Variants in PLCG1 observed in about 807,000 individuals in gnomAD.
PLCG1 encodes the protein 1-phosphatidylinositol 4,5-bisphosphate phosphodiesterase gamma-1.
PLCG1 carries 71 observed loss-of-function variants against 177.8 expected under a neutral mutation model. That is an observed-to-expected ratio of 0.40 (90% CI 0.33 to 0.49). The LOEUF (loss-of-function observed/expected upper bound fraction) is 0.49. Ranked by LOEUF, PLCG1 falls within the 20% of genes least tolerant of loss-of-function variation. The pLI, the probability that PLCG1 is intolerant of heterozygous loss-of-function variation, is 0.72. For missense variants in PLCG1, 1,281 were observed against 1,709.0 expected, an observed-to-expected ratio of 0.75 and a Z score of 4.42; for synonymous variants, 658 against 647.9, an observed-to-expected ratio of 1.02 and a Z score of -0.24.
At chr20:41,158,850 T>C (rs2035403454) in intron 1 of PLCG1, among the ~76,000 whole-genome samples, 1 of 152,260 alleles carries the variant, frequency 6.6e-6, no homozygotes, top group Non-Finnish European at 1.5e-5. Context: ...AAACTGAGAC[T>C]CTGAGAAGTT....
Position 41,169,084 on chromosome 20 carries a change from G to A in PLCG1, c.2489G>A (p.Arg830Gln), listed in dbSNP as rs748571525. Residue 830 changes from arginine (R) to glutamine (Q), a missense_variant, in exon 22 of 32, where the codon CGA becomes CAA. Physicochemically the swap from Arg to Gln is conservative, Grantham distance 43. This residue lies in a region of PLCG1 where 723 missense variants were observed against 1,030.0 expected (regional missense o/e 0.70). Transcript: ENST00000685551. ...NVEKQEGGWW[R>Q]GDYGGKKQLW... ...GCACCCTGTGGCTCCCACAGGTGGC[G>A]AGGGGACTACGGAGGGAAGAAGCAG... 7.4e-6 allele frequency: 12 copies of A among 1,613,124 alleles called. No individual in the cohort carries two copies. Among genetic ancestry groups the A allele is most frequent in the African/African-American group, 2.7e-5 (2 of 74,924 alleles).
chr20:41,175,338 A>G lies in PLCG1; in HGVS notation c.*829A>G, dbSNP rs959481312. 2 of 151,968 alleles carry G rather than the reference A, an allele frequency of 1.3e-5. No homozygotes were observed. Among genetic ancestry groups the G allele is most frequent in the Admixed American group, 6.5e-5 (1 of 15,272 alleles). The allele number at this position is 151,968 out of a possible 1,614,324, so 9.4% of individuals were successfully genotyped here. The stretch of plus-strand genomic sequence containing the variant: ...GGGAAGAGAAGAAATAGCAGAGCCT[A>G]TTTTGGTGAGGTTTTTTGTTTTTAA... On this transcript the variant is annotated 3_prime_UTR_variant, in exon 32 of 32. Coordinates refer to ENST00000685551, the MANE Select transcript of PLCG1 (RefSeq NM_002660.3).
At position 41,173,613 on chromosome 20, in the gene PLCG1, C is replaced by G; in HGVS notation, c.3395-39C>G. 1 of 1,614,114 alleles carries G rather than the reference C, an allele frequency of 6.2e-7. No homozygotes were observed. On this transcript the variant is annotated intron_variant, in intron 28 of 31. Transcript: ENST00000685551. The surrounding 1 kb of genome is among the most constrained non-coding windows in gnomAD (Gnocchi z 6.2). Reference sequence around the variant, plus strand: ...CTCCCCACCAGTCATCCCATCCTCTCCCACGGTGACCTGAAGCCTTTTGTC... The same window carrying G: ...CTCCCCACCAGTCATCCCATCCTCTGCCACGGTGACCTGAAGCCTTTTGTC...
Position 41,159,502 on chromosome 20 carries a change from C to A in PLCG1, c.218-104C>A. The stretch of plus-strand genomic sequence containing the variant: ...GGTCTTGGCTCTGCCTCTGGGGTTC[C>A]TCCCTGAGAGAGAGTGTAAGAATGA... On this transcript the variant is annotated intron_variant, in intron 1 of 31. Coordinates refer to ENST00000685551, the MANE Select transcript of PLCG1 (RefSeq NM_002660.3). The surrounding 1 kb of genome is among the most constrained non-coding windows in gnomAD (Gnocchi z 6.0). 8.3e-7 allele frequency: 1 copy of A among 1,199,778 alleles called. No individual in the cohort carries two copies. The highest frequency in any genetic ancestry group is 1.5e-5 in the South Asian group (1 of 67,584). 74.3% of individuals were successfully genotyped at this position (1,199,778 alleles called of 1,614,324 possible). A position where few individuals can be genotyped will look rare whatever the true frequency, so the allele number is the denominator to read the frequency against.
chr20:41,165,992 C>CG lies in PLCG1; in HGVS notation c.1799+166_1799+167insG, dbSNP rs929910637. Reference sequence around the variant, plus strand: ...TACACACACACACTCTCTGTCTCACCCCCCCCCCATACCCCTCCCTTTTCG... The same window carrying CG: ...TACACACACACACTCTCTGTCTCACCGCCCCCCCCATACCCCTCCCTTTTCG... On this transcript the variant is annotated intron_variant, in intron 16 of 31. Transcript: ENST00000685551. This position sits in a 1 kb window ranked among gnomAD's most constrained non-coding sequence, Gnocchi z 6.6. 12 of 660,442 alleles carry CG rather than the reference C, an allele frequency of 1.8e-5. 1 individual carries two copies. In the East Asian group the frequency reaches 2.6e-4, roughly 14 times the overall value. 40.9% of individuals were successfully genotyped at this position (660,442 alleles called of 1,614,324 possible). A position where few individuals can be genotyped will look rare whatever the true frequency, so the allele number is the denominator to read the frequency against.
chr20:41,140,673 G>A (rs758705253), intron 1 of PLCG1, among the ~76,000 whole-genome samples: 12 of 152,300 alleles, frequency 7.9e-5, no homozygotes, highest in Non-Finnish European at 1.3e-4. Flanking sequence ...GCTCAAAAGC[G>A]GGGTGGGGAA....
chr20:41,162,232 TTTG>T (rs1568742799), intron 4 of PLCG1: 2 of 316,438 alleles, frequency 6.3e-6, no homozygotes, highest in African/African-American at 2.5e-5. Flanking sequence ...TTGTTTTGTT[TTTG>T]TTTTTTTTTT....
At position 41,167,749 on chromosome 20, in the gene PLCG1, G is replaced by C; in HGVS notation, c.2302-103G>C. The C allele has an allele frequency of 1.2e-6, 1 of 809,364 alleles. No individual in the cohort carries two copies. Among genetic ancestry groups the C allele is most frequent in the South Asian group, 1.5e-5 (1 of 68,614 alleles). The allele number at this position is 809,364 out of a possible 1,614,324, so 50.1% of individuals were successfully genotyped here. On this transcript the variant is annotated intron_variant, in intron 19 of 31. Coordinates refer to ENST00000685551, the MANE Select transcript of PLCG1 (RefSeq NM_002660.3). This position sits in a 1 kb window ranked among gnomAD's most constrained non-coding sequence, Gnocchi z 4.4. ...AAGGATCCCTGTGGATCAGGTGCAAGTTTGCTGCACTGGGGGAAAGGGAAG... is the reference window on the plus strand; with the variant it reads ...AAGGATCCCTGTGGATCAGGTGCAACTTTGCTGCACTGGGGGAAAGGGAAG...
rs374657156 is a variant in PLCG1, at chr20:41,163,007, G to T, written c.716+15G>T. The T allele has an allele frequency of 4.3e-6, 7 of 1,612,870 alleles. No individual in the cohort carries two copies. In the African/African-American group the frequency reaches 9.3e-5, roughly 22 times the overall value. On this transcript the variant is annotated intron_variant, in intron 7 of 31. Coordinates refer to ENST00000685551, the MANE Select transcript of PLCG1 (RefSeq NM_002660.3). This position sits in a 1 kb window ranked among gnomAD's most constrained non-coding sequence, Gnocchi z 5.2. ...AGTACTCTGAGGTTTGGTTTGGAGT[G>T]GGGAGGTGGGGTTTTCCCTGGGCCC...
intron 4 of PLCG1, chr20:41,162,229 GTTTTTGTTTTTTT>G: frequency 3.6e-6 from 1 of 276,174 alleles, no homozygotes; most frequent in Non-Finnish European, 6.4e-6. Context: ...TGTTTGTTTT[GTTTTTGTTTTTTT>G]TTTTTTTTTT....
Position 41,176,200 on chromosome 20 carries a change from G to A in PLCG1, c.*1691G>A, listed in dbSNP as rs2036062309. 6.6e-6 allele frequency: 1 copy of A among 152,048 alleles called. No homozygotes were observed. Among genetic ancestry groups the A allele is most frequent in the African/African-American group, 2.4e-5 (1 of 41,400 alleles). The allele number at this position is 152,048 out of a possible 1,614,324, so 9.4% of individuals were successfully genotyped here. ...TGTGCTGGGATGGAACAAAAATGACGCCACACAAAAAATTTAAGATAGATC... is the reference window on the plus strand; with the variant it reads ...TGTGCTGGGATGGAACAAAAATGACACCACACAAAAAATTTAAGATAGATC... On this transcript the variant is annotated 3_prime_UTR_variant, in exon 32 of 32. Coordinates refer to ENST00000685551, the MANE Select transcript of PLCG1 (RefSeq NM_002660.3).
intron 1 of PLCG1, among the ~76,000 whole-genome samples, chr20:41,140,757 T>C (rs906975572): frequency 3.3e-5 from 5 of 152,344 alleles, no homozygotes; most frequent in South Asian, 2.1e-4. Context: ...CCTTTTATGT[T>C]GCAGATACTG....
chr20:41,163,966 C>T lies in PLCG1; in HGVS notation c.1056C>T (p.Ala352=), dbSNP rs2035599618. 1.2e-6 allele frequency: 2 copies of T among 1,614,104 alleles called. No homozygotes were observed. The highest frequency in any genetic ancestry group is 2.7e-5 in the African/African-American group (2 of 74,950). The change falls in exon 11 of 32, where the codon GCC becomes GCT. Residue 352 remains alanine (A), a synonymous_variant. Coordinates refer to ENST00000685551, the MANE Select transcript of PLCG1 (RefSeq NM_002660.3). The surrounding 1 kb of genome is among the most constrained non-coding windows in gnomAD (Gnocchi z 5.2). The part of the protein sequence containing the change: ...DQFSSESSLE[A]YARCLRMGCR... ...TCTCCAGTGAGTCCTCCTTGGAAGC[C>T]TATGCTCGCTGCCTGCGGATGGGCT...
At position 41,137,935 on chromosome 20, in the gene PLCG1, G is replaced by A. The variant is rs543351537; in HGVS notation, c.217+77G>A. On this transcript the variant is annotated intron_variant, in intron 1 of 31. Transcript: ENST00000685551. The surrounding 1 kb of genome is among the most constrained non-coding windows in gnomAD (Gnocchi z 7.3). ...GCCCGGCCCGACTGCTTGCACCCCGGCCGGCCGCCCCAGCGACTTGGGCAA... is the reference window on the plus strand; with the variant it reads ...GCCCGGCCCGACTGCTTGCACCCCGACCGGCCGCCCCAGCGACTTGGGCAA... The A allele has an allele frequency of 1.7e-5, 18 of 1,035,840 alleles. No individual in the cohort carries two copies. The highest frequency in any genetic ancestry group is 2.1e-5 in the Non-Finnish European group (17 of 798,640). The allele number at this position is 1,035,840 out of a possible 1,614,324, so 64.2% of individuals were successfully genotyped here.
chr20:41,150,248 C>G lies in PLCG1; in HGVS notation c.218-9358C>G, dbSNP rs2035125288. 6.6e-6 allele frequency among the ~76,000 whole-genome samples: 1 copy of G among 152,206 alleles called. No homozygotes were observed. The highest frequency in any genetic ancestry group is 6.5e-5 in the Admixed American group (1 of 15,282). ...TTGGGAGGCCGAAGTGAGAGGATCA[C>G]TTGAGGCCAGGAGTTTGAGACAAGC... On this transcript the variant is annotated intron_variant, in intron 1 of 31. Coordinates refer to ENST00000685551, the MANE Select transcript of PLCG1 (RefSeq NM_002660.3). The surrounding 1 kb of genome is among the most constrained non-coding windows in gnomAD (Gnocchi z 4.0).
At position 41,153,041 on chromosome 20, in the gene PLCG1, T is replaced by A. The variant is rs927708011; in HGVS notation, c.218-6565T>A. ...AGTGGGGCACACAGGCCTTGAGGGG[T>A]TCTGGGGTCCACAGGCCACAGGTGG... On this transcript the variant is annotated intron_variant, in intron 1 of 31. Transcript: ENST00000685551. This position sits in a 1 kb window ranked among gnomAD's most constrained non-coding sequence, Gnocchi z 5.1. 3.3e-5 allele frequency among the ~76,000 whole-genome samples: 5 copies of A among 152,124 alleles called. No homozygotes were observed. Among genetic ancestry groups the A allele is most frequent in the African/African-American group, 1.2e-4 (5 of 41,386 alleles).
Position 41,144,675 on chromosome 20 carries a change from C to T in PLCG1, c.217+6817C>T, listed in dbSNP as rs910573701. 6.6e-6 allele frequency among the ~76,000 whole-genome samples: 1 copy of T among 152,196 alleles called. No homozygotes were observed. The highest frequency in any genetic ancestry group is 1.5e-5 in the Non-Finnish European group (1 of 68,032). On this transcript the variant is annotated intron_variant, in intron 1 of 31. Transcript: ENST00000685551. The surrounding 1 kb of genome is among the most constrained non-coding windows in gnomAD (Gnocchi z 4.1). ...CTGAGAAGGGCTTTTCCAGGATTCT[C>T]TATGACAACTCAAGAGCATGCATTC...
rs1194158966 is a variant in PLCG1, at chr20:41,172,725, C to T, written c.3131-4C>T. On this transcript the variant is annotated splice_region_variant and splice_polypyrimidine_tract_variant and intron_variant, in intron 26 of 31. Transcript: ENST00000685551. The surrounding 1 kb of genome is among the most constrained non-coding windows in gnomAD (Gnocchi z 7.0). ...TGGAATACACCATAATCTGCCTCTT[C>T]CAGACAAGCCTATGCAGATGAACCA... 6.2e-7 allele frequency: 1 copy of T among 1,613,734 alleles called. No individual in the cohort carries two copies. Among genetic ancestry groups the T allele is most frequent in the Non-Finnish European group, 8.5e-7 (1 of 1,179,742 alleles).
chr20:41,164,748 A>T lies in PLCG1; in HGVS notation c.1218-185A>T, dbSNP rs1204416815. Among the ~76,000 whole-genome samples the T allele has an allele frequency of 1.3e-5, 2 of 152,042 alleles. No homozygotes were observed. The highest frequency in any genetic ancestry group is 3.9e-4 in the East Asian group (2 of 5,176). ...CATCAGTTGCCACCCTTTGGTTTCC[A>T]CTGCTGCCACAGCTGTAGAACCCCT... is the stretch of plus-strand genomic sequence containing the variant. On this transcript the variant is annotated intron_variant, in intron 12 of 31. Coordinates refer to ENST00000685551, the MANE Select transcript of PLCG1 (RefSeq NM_002660.3). This position sits in a 1 kb window ranked among gnomAD's most constrained non-coding sequence, Gnocchi z 6.4.
Sources: allele counts gnomAD v4.1 joint callset (sites outside exome capture counted in the v4.1 genomes callset), GRCh38; gene constraint gnomAD v4.1.1; regional missense constraint gnomAD v4.1.1; non-coding constraint Gnocchi (gnomAD v3.1); transcripts MANE v1.5; gene names NCBI Gene and HGNC (gene_info 2026-07-23, HGNC 2026-07-21).